The following RPTOR variants were observed in gnomAD, a reference collection of about 807,000 sequenced individuals.
RPTOR encodes the protein regulatory-associated protein of mTOR.
A neutral mutation model predicts 169.9 loss-of-function variants in RPTOR; 21 were observed. The observed-to-expected ratio is 0.12, with a 90% CI of 0.09 to 0.18. The LOEUF is 0.18. Ranked by LOEUF, RPTOR falls within the 10% of genes least tolerant of loss-of-function variation. RPTOR has a pLI of 1.00. For missense variants in RPTOR, 1,133 were observed against 1,855.9 expected, an observed-to-expected ratio of 0.61 and a Z score of 7.16; for synonymous variants, 732 against 753.2, an observed-to-expected ratio of 0.97 and a Z score of 0.46.
intron 20 of RPTOR, among the ~76,000 whole-genome samples, chr17:80,906,158 G>T (rs2068539844): frequency 6.6e-6 from 1 of 152,020 alleles, no homozygotes; most frequent in South Asian, 2.1e-4. Context: ...TCCTCACCAG[G>T]GCCTGTCGCG....
chr17:80,592,533 C>T (rs574599289), intron 1 of RPTOR, among the ~76,000 whole-genome samples: 9 of 152,122 alleles, frequency 5.9e-5, no homozygotes, highest in Middle Eastern at 3.4e-3. Flanking sequence ...TCAGCAAGCT[C>T]GTTTAGGATA....
chr17:80,767,808 A>C (rs892703316), intron 6 of RPTOR, among the ~76,000 whole-genome samples: 3 of 152,140 alleles, frequency 2.0e-5, no homozygotes, highest in Non-Finnish European at 4.4e-5. Flanking sequence ...GGCCTTTTAC[A>C]AATCAGCTTA....
At chr17:80,795,298 A>G (rs1228988218) in intron 7 of RPTOR, among the ~76,000 whole-genome samples, 1 of 152,192 alleles carries the variant, frequency 6.6e-6, no homozygotes, top group Admixed American at 6.5e-5. Context: ...GAGGATTGAA[A>G]AAGAGAAGCA....
chr17:80,732,992 T>A (rs1203747633), intron 5 of RPTOR, among the ~76,000 whole-genome samples: 3 of 152,230 alleles, frequency 2.0e-5, no homozygotes, highest in Non-Finnish European at 2.9e-5. Context: ...TTAAATATAA[T>A]GCAAGAAAAT....
chr17:80,944,812 G>A (rs889721631), intron 25 of RPTOR, among the ~76,000 whole-genome samples: 3 of 152,146 alleles, frequency 2.0e-5, no homozygotes, highest in African/African-American at 4.8e-5. Flanking sequence ...CCAACATGGT[G>A]AAACCCCGTC....
intron 7 of RPTOR, among the ~76,000 whole-genome samples, chr17:80,796,001 G>C (rs898241307): frequency 6.6e-6 from 1 of 152,182 alleles, no homozygotes; most frequent in African/African-American, 2.4e-5. Flanking sequence ...AGGCACCTAC[G>C]ACTCCCAGGC....
chr17:80,562,119 C>T lies in RPTOR; in HGVS notation c.162+16328C>T, dbSNP rs574021819. ...CGGCTTGGGCTGGTAGTGACAGGCCCGGCAGCCCCAAGAGCCCCTGGAAGC... is the reference window on the plus strand; with the variant it reads ...CGGCTTGGGCTGGTAGTGACAGGCCTGGCAGCCCCAAGAGCCCCTGGAAGC... On this transcript the variant is annotated intron_variant, in intron 1 of 33. Transcript: ENST00000306801. This position sits in a 1 kb window ranked among gnomAD's most constrained non-coding sequence, Gnocchi z 4.4. 3.9e-5 allele frequency among the ~76,000 whole-genome samples: 6 copies of T among 152,050 alleles called. No individual in the cohort carries two copies. The highest frequency in any genetic ancestry group is 2.1e-4 in the South Asian group (1 of 4,808).
intron 1 of RPTOR, among the ~76,000 whole-genome samples, chr17:80,615,178 G>C (rs2065300175): frequency 6.6e-6 from 1 of 152,200 alleles, no homozygotes; most frequent in South Asian, 2.1e-4. Context: ...TGACGTTATG[G>C]TAGGCTTCAA....
At chr17:80,893,190 C>T (rs2068348243) in intron 19 of RPTOR, among the ~76,000 whole-genome samples, 1 of 152,240 alleles carries the variant, frequency 6.6e-6, no homozygotes, top group South Asian at 2.1e-4. Flanking sequence ...GGGTGGGGAG[C>T]TTGGCTCCCA....
At chr17:80,832,920 G>C (rs2143656055) in intron 9 of RPTOR, among the ~76,000 whole-genome samples, 1 of 152,336 alleles carries the variant, frequency 6.6e-6, no homozygotes, top group Non-Finnish European at 1.5e-5. Flanking sequence ...CAAACATTGA[G>C]GTTAAAACAT....
At chr17:80,870,085 A>G (rs1363621781) in intron 13 of RPTOR, among the ~76,000 whole-genome samples, 1 of 152,338 alleles carries the variant, frequency 6.6e-6, no homozygotes, top group South Asian at 2.1e-4. Flanking sequence ...CCCGTAGGCA[A>G]GGTTCCAGTT....
At chr17:80,650,437 C>T (rs569499528) in intron 3 of RPTOR, among the ~76,000 whole-genome samples, 30 of 152,282 alleles carry the variant, frequency 2.0e-4, no homozygotes, top group African/African-American at 5.8e-4. Flanking sequence ...CCTTTCTGGG[C>T]GGGAGCGCCC....
rs181544769 is a variant in RPTOR, at chr17:80,878,733, C to T, written c.1510-1682C>T. Among the ~76,000 whole-genome samples the T allele has an allele frequency of 1.4e-4, 21 of 152,308 alleles. No individual in the cohort carries two copies. In the East Asian group the frequency reaches 4.0e-3, roughly 29 times the overall value. On this transcript the variant is annotated intron_variant, in intron 13 of 33. Transcript: ENST00000306801. This position sits in a 1 kb window ranked among gnomAD's most constrained non-coding sequence, Gnocchi z 4.1. ...AAACTTAGTTTTGTTTCAAATCTTG[C>T]CCCTTTTCCTCGGGTTTTGGGCAAA...
chr17:80,948,283 G>T (rs923555378), intron 27 of RPTOR, among the ~76,000 whole-genome samples: 4 of 152,276 alleles, frequency 2.6e-5, no homozygotes, highest in African/African-American at 9.6e-5. Flanking sequence ...CTGGTGAGGG[G>T]CGTGGCCATG....
At chr17:80,727,790 T>G in intron 4 of RPTOR, among the ~76,000 whole-genome samples, 1 of 152,144 alleles carries the variant, frequency 6.6e-6, no homozygotes. Context: ...AAACATCTCA[T>G]GTACAAATGC....
At chr17:80,839,329 A>T (rs1309750553) in intron 10 of RPTOR, among the ~76,000 whole-genome samples, 1 of 152,008 alleles carries the variant, frequency 6.6e-6, no homozygotes, top group Non-Finnish European at 1.5e-5. Context: ...TTTTTTTGGT[A>T]ACATTTGATT....
chr17:80,760,835 A>G (rs1598286820), intron 6 of RPTOR, among the ~76,000 whole-genome samples: 1 of 151,660 alleles, frequency 6.6e-6, no homozygotes, highest in Non-Finnish European at 1.5e-5. Context: ...CGCTGCCCTC[A>G]TTATGCTGGC....
rs142361642 is a variant in RPTOR, at chr17:80,880,474, G to A, written c.1569G>A (p.Ala523=). The A allele has an allele frequency of 8.7e-6, 14 of 1,613,482 alleles. No homozygotes were observed. Among genetic ancestry groups the A allele is most frequent in the Admixed American group, 3.3e-5 (2 of 60,006 alleles). The change falls in exon 14 of 34, where the codon GCG becomes GCA. Residue 523 remains alanine, a synonymous_variant. Coordinates refer to ENST00000306801, the MANE Select transcript of RPTOR (RefSeq NM_020761.3). ...NGHKYFLSVL[A]DPYMPAEHRT... is the part of the protein sequence containing the mutation. ...ACAAGTACTTCCTGTCGGTCCTGGC[G>A]GACCCCTACATGCCAGTAAGGACGG...
At chr17:80,577,297 TG>T (rs1197941677) in intron 1 of RPTOR, among the ~76,000 whole-genome samples, 10 of 152,220 alleles carry the variant, frequency 6.6e-5, no homozygotes, top group African/African-American at 2.4e-4. Flanking sequence ...CCCAAAGTGC[TG>T]TGATTATAGG....
Sources: gnomAD v4.1 joint callset for allele counts (sites outside exome capture counted in the v4.1 genomes callset) on GRCh38, gnomAD v4.1.1 for gene constraint, Gnocchi (gnomAD v3.1) non-coding constraint, MANE v1.5 for transcripts, NCBI Gene and HGNC (gene_info 2026-07-23, HGNC 2026-07-21) for gene names.